The following PLAAT1 variants were observed in gnomAD, a reference collection of about 807,000 sequenced individuals.
PLAAT1 encodes phospholipase A and acyltransferase 1, also known as H-REV107 protein-related protein.
Under a neutral mutation model 16.4 loss-of-function variants are expected in PLAAT1, and 13 were observed. The ratio of observed to expected loss-of-function variants is 0.79; its 90% CI spans 0.52 to 1.26. The LOEUF (loss-of-function observed/expected upper bound fraction) is 1.26. PLAAT1 is among the 50% of genes most tolerant of loss of function. The probability of loss-of-function intolerance (pLI) is 0.00; values close to 1 mark genes in which losing one functional copy is unlikely to be tolerated. For missense variants in PLAAT1, 218 were observed against 207.8 expected, an observed-to-expected ratio of 1.05 and a Z score of -0.30; for synonymous variants, 73 against 78.4, an observed-to-expected ratio of 0.93 and a Z score of 0.36.
At chr3:193,250,768 C>T (rs1363649562) in intron 1 of PLAAT1, among the ~76,000 whole-genome samples, 1 of 152,128 alleles carries the variant, frequency 6.6e-6, no homozygotes, top group African/African-American at 2.4e-5. Flanking sequence ...TAAAGCAAGC[C>T]ATAGGGGAAG....
At chr3:193,247,188 T>A (rs1201932794) in intron 1 of PLAAT1, among the ~76,000 whole-genome samples, 1 of 152,184 alleles carries the variant, frequency 6.6e-6, no homozygotes, top group East Asian at 1.9e-4. Context: ...TCTGGGATGT[T>A]GAAAGGAGTT....
chr3:193,275,338 C>A, downstream of PLAAT1: 1 of 1,602,698 alleles, frequency 6.2e-7, no homozygotes, highest in Non-Finnish European at 8.5e-7. Context: ...CAATTTATTG[C>A]GCAGGTCCCC....
intron 1 of PLAAT1, among the ~76,000 whole-genome samples, chr3:193,253,102 A>G (rs1182358873): frequency 6.6e-6 from 1 of 152,144 alleles, no homozygotes; most frequent in African/African-American, 2.4e-5. Flanking sequence ...AAGTTTGGAG[A>G]CCATTAGATT....
At chr3:193,261,946 C>G (rs533014674) in intron 2 of PLAAT1, among the ~76,000 whole-genome samples, 1 of 152,038 alleles carries the variant, frequency 6.6e-6, no homozygotes, top group Non-Finnish European at 1.5e-5. Flanking sequence ...TCTCACATTC[C>G]GTGAGAAGGA....
chr3:193,241,870 G>T (rs1423664646), intron 1 of PLAAT1, among the ~76,000 whole-genome samples: 1 of 152,190 alleles, frequency 6.6e-6, no homozygotes. Flanking sequence ...TGGCATGCGA[G>T]ACTATTAATA....
At chr3:193,267,831 C>G (rs571826187) in intron 3 of PLAAT1, among the ~76,000 whole-genome samples, 1 of 152,324 alleles carries the variant, frequency 6.6e-6, no homozygotes, top group Admixed American at 6.5e-5. Flanking sequence ...TTTGCACTCT[C>G]AGCAATGAGA....
chr3:193,264,512 T>TTC (rs938443487), intron 3 of PLAAT1, among the ~76,000 whole-genome samples: 1 of 1,862 alleles, frequency 5.4e-4, no homozygotes, highest in African/African-American at 0.025. Flanking sequence ...CTTCTTCTTC[T>TTC]TTTTTTTTTT....
chr3:193,279,576 A>T (rs551191824), downstream of PLAAT1: 1 of 693,868 alleles, frequency 1.4e-6, no homozygotes, highest in East Asian at 2.8e-5. Flanking sequence ...ATGTTTTGAT[A>T]TATCCTCATA....
intron 1 of PLAAT1, among the ~76,000 whole-genome samples, chr3:193,243,040 C>A (rs1017647475): frequency 6.6e-6 from 1 of 152,134 alleles, no homozygotes; most frequent in African/African-American, 2.4e-5. Flanking sequence ...TTTGATGCAT[C>A]CCCAGGGACC....
At chr3:193,262,443 T>A (rs1343699532) in intron 2 of PLAAT1, among the ~76,000 whole-genome samples, 1 of 151,626 alleles carries the variant, frequency 6.6e-6, no homozygotes, top group Non-Finnish European at 1.5e-5. Context: ...CCATGCGGGT[T>A]TCGGAATAGG....
intron 3 of PLAAT1, 68 bp from the exon 4 acceptor site, chr3:193,270,536 G>T (rs1238328910): frequency 1.4e-6 from 2 of 1,470,844 alleles, no homozygotes; most frequent in Non-Finnish European, 1.9e-6. Context: ...ACAGGCTAAA[G>T]CTTCATTTAG....
chr3:193,272,316 G>A (rs1017583442), downstream of PLAAT1, among the ~76,000 whole-genome samples: 5 of 151,952 alleles, frequency 3.3e-5, no homozygotes, highest in African/African-American at 9.7e-5. Flanking sequence ...GGTGGCGGGC[G>A]CCTACAGTCC....
At chr3:193,249,576 C>T (rs1716116775) in intron 1 of PLAAT1, among the ~76,000 whole-genome samples, 1 of 152,096 alleles carries the variant, frequency 6.6e-6, no homozygotes, top group African/African-American at 2.4e-5. Flanking sequence ...TGCTATATGT[C>T]TTTGAATATA....
intron 2 of PLAAT1, among the ~76,000 whole-genome samples, chr3:193,261,340 C>T (rs547725099): frequency 6.6e-6 from 1 of 151,368 alleles, no homozygotes; most frequent in African/African-American, 2.4e-5. Context: ...TACACTCCAG[C>T]CTGGGCAACA....
intron 1 of PLAAT1, among the ~76,000 whole-genome samples, chr3:193,247,800 A>G (rs1401030440): frequency 5.3e-5 from 8 of 152,220 alleles, no homozygotes; most frequent in Admixed American, 3.9e-4. Flanking sequence ...AATACTTGAT[A>G]AGATTTCAGT....
chr3:193,272,763 T>C (rs1717025564), downstream of PLAAT1, among the ~76,000 whole-genome samples: 1 of 152,176 alleles, frequency 6.6e-6, no homozygotes, highest in African/African-American at 2.4e-5. Flanking sequence ...ATTCATGGAT[T>C]CATGTTCACA....
chr3:193,270,931 T>A, downstream of PLAAT1: 6 of 812,742 alleles, frequency 7.4e-6, no homozygotes, highest in Non-Finnish European at 9.7e-6. Flanking sequence ...AGCAGTAGTC[T>A]TTTGAGTGAG....
chr3:193,247,918 GT>G (rs1716041272), intron 1 of PLAAT1, among the ~76,000 whole-genome samples: 1 of 152,158 alleles, frequency 6.6e-6, no homozygotes, highest in Non-Finnish European at 1.5e-5. Context: ...GTTGGATGAA[GT>G]TTTCTGTAAA....
chr3:193,275,315 A>G, downstream of PLAAT1: 1 of 1,610,802 alleles, frequency 6.2e-7, no homozygotes. Flanking sequence ...GAAAAATCAG[A>G]TGGGAAAACA....
Sources: allele counts gnomAD v4.1 joint callset (sites outside exome capture counted in the v4.1 genomes callset), GRCh38; gene constraint gnomAD v4.1.1; transcripts MANE v1.5; gene names NCBI Gene and HGNC (gene_info 2026-07-23, HGNC 2026-07-21).